UNC13C: variants seen among roughly 807,000 people sequenced by gnomAD.
The protein encoded by UNC13C is protein unc-13 homolog C.
A neutral mutation model predicts 245.4 loss-of-function variants in UNC13C; 174 were observed. That is an observed-to-expected ratio of 0.71 (90% CI 0.63 to 0.80). The LOEUF (loss-of-function observed/expected upper bound fraction) is 0.80. Among genes scored for constraint, UNC13C ranks in the 30% least tolerant of loss-of-function variants. The pLI is 0.00. For missense variants in UNC13C, 2,829 were observed against 2,602.9 expected, an observed-to-expected ratio of 1.09 and a Z score of -1.89; for synonymous variants, 992 against 895.1, an observed-to-expected ratio of 1.11 and a Z score of -1.93.
At chr15:54,048,590 G>T in intron 2 of UNC13C, 1 of 378,162 alleles carries the variant, frequency 2.6e-6, no homozygotes, top group South Asian at 2.9e-5. Context: ...TATCAATTTC[G>T]CCAATTGCTG....
the UNC13C span, chr15:53,914,787 C>T: frequency 0.99 from 150,190 of 152,248 alleles, 74,111 homozygotes; most frequent in Middle Eastern, 1. Context: ...TTGGCATAGT[C>T]GTGAACCTGA....
chr15:54,223,231 A>C (rs987396831), intron 4 of UNC13C, among the ~76,000 whole-genome samples: 10 of 152,130 alleles, frequency 6.6e-5, no homozygotes, highest in Non-Finnish European at 1.0e-4. Flanking sequence ...TTCTGGTCTT[A>C]GATTTAAGTC....
intron 18 of UNC13C, among the ~76,000 whole-genome samples, chr15:54,406,502 A>G (rs1432815663): frequency 2.6e-5 from 4 of 152,210 alleles, no homozygotes; most frequent in African/African-American, 4.8e-5. Flanking sequence ...CCAAGGTGCC[A>G]TATTTTGGGG....
chr15:54,536,477 T>C (rs945890694), intron 26 of UNC13C, among the ~76,000 whole-genome samples: 3 of 152,024 alleles, frequency 2.0e-5, no homozygotes, highest in Non-Finnish European at 4.4e-5. Context: ...CCACAACTCA[T>C]TCAATGAGGC....
intron 19 of UNC13C, among the ~76,000 whole-genome samples, chr15:54,490,195 G>C (rs1483542024): frequency 6.6e-6 from 1 of 152,166 alleles, no homozygotes; most frequent in East Asian, 1.9e-4. Flanking sequence ...CTGATACTTA[G>C]AGTTATCATA....
intron 30 of UNC13C, among the ~76,000 whole-genome samples, chr15:54,569,608 G>C (rs1420454967): frequency 6.6e-6 from 1 of 151,858 alleles, no homozygotes; most frequent in Non-Finnish European, 1.5e-5. Flanking sequence ...GTGTGTGTGT[G>C]TGTGTATAAT....
chr15:54,604,285 T>C (rs1285190264), intron 30 of UNC13C, among the ~76,000 whole-genome samples: 3 of 152,206 alleles, frequency 2.0e-5, no homozygotes, highest in Non-Finnish European at 4.4e-5. Flanking sequence ...ACCACATAGA[T>C]GAACTAAAAT....
the UNC13C span, among the ~76,000 whole-genome samples, chr15:53,939,937 G>C: frequency 6.6e-6 from 1 of 152,134 alleles, no homozygotes; most frequent in East Asian, 1.9e-4. Context: ...TGGGGAGAGA[G>C]ATCCTGGGGT....
intron 30 of UNC13C, among the ~76,000 whole-genome samples, chr15:54,586,402 C>A (rs1290504283): frequency 7.2e-5 from 11 of 152,216 alleles, no homozygotes; most frequent in Admixed American, 6.5e-4. Flanking sequence ...ATTGCTCTTC[C>A]TATCTTGCAG....
chr15:54,323,291 A>T (rs1326088026), intron 14 of UNC13C, among the ~76,000 whole-genome samples: 1 of 152,000 alleles, frequency 6.6e-6, no homozygotes, highest in African/African-American at 2.4e-5. Context: ...AGGTGTATGA[A>T]GTGAATTAGA....
At chr15:54,188,775 T>C (rs2141320422) in intron 4 of UNC13C, among the ~76,000 whole-genome samples, 1 of 152,292 alleles carries the variant, frequency 6.6e-6, no homozygotes, top group South Asian at 2.1e-4. Context: ...TCCCTATTTA[T>C]TAGATACCCT....
chr15:53,995,200 T>C (rs1894565183), intron 1 of UNC13C, among the ~76,000 whole-genome samples: 1 of 152,056 alleles, frequency 6.6e-6, no homozygotes, highest in Middle Eastern at 3.4e-3. Context: ...GAATAGAAGA[T>C]AGATGCAGAC....
At chr15:54,489,520 T>C (rs1449182213) in intron 19 of UNC13C, among the ~76,000 whole-genome samples, 1 of 152,198 alleles carries the variant, frequency 6.6e-6, no homozygotes. Flanking sequence ...TGTATATGTA[T>C]GCAAGAAGAA....
At chr15:54,486,995 A>G (rs1893448384) in intron 19 of UNC13C, among the ~76,000 whole-genome samples, 2 of 152,226 alleles carry the variant, frequency 1.3e-5, no homozygotes, top group Admixed American at 1.3e-4. Flanking sequence ...GAGTATATCT[A>G]AGAGGAATGT....
rs768743988 is a variant in UNC13C at position 54,014,540 on chromosome 15, T to A, written c.1637T>A (p.Leu546His). ...CAGAGTGATTTTTTCACTGCTAAACTTAGTCGTTCTGAATCAGATTTTTCC... is the reference window on the plus strand; with the variant it reads ...CAGAGTGATTTTTTCACTGCTAAACATAGTCGTTCTGAATCAGATTTTTCC... Reference protein sequence around the residue: ...HSQSDFFTAKLSRSESDFSKL... With the variant: ...HSQSDFFTAKHSRSESDFSKL... Residue 546 changes from leucine to histidine, a missense_variant, in exon 2 of 33, where the codon CTT becomes CAT. By Grantham distance (99) the Leu-to-His change is moderately conservative. Coordinates refer to ENST00000260323, the MANE Select transcript of UNC13C (RefSeq NM_001080534.3). The A allele has an allele frequency of 1.2e-6, 2 of 1,613,848 alleles. No individual in the cohort carries two copies. Among genetic ancestry groups the A allele is most frequent in the African/African-American group, 2.7e-5 (2 of 75,042 alleles).
intron 4 of UNC13C, among the ~76,000 whole-genome samples, chr15:54,168,300 G>T (rs2033260318): frequency 6.6e-6 from 1 of 152,102 alleles, no homozygotes; most frequent in South Asian, 2.1e-4. Flanking sequence ...TTTGAGATTT[G>T]TTTGGACTTC....
intron 29 of UNC13C, among the ~76,000 whole-genome samples, chr15:54,556,614 T>A (rs968966821): frequency 1.3e-5 from 2 of 151,784 alleles, no homozygotes; most frequent in African/African-American, 4.8e-5. Context: ...TAGGAAAAAA[T>A]GAACAACATG....
At chr15:54,041,340 T>C (rs1287679322) in intron 2 of UNC13C, among the ~76,000 whole-genome samples, 1 of 152,232 alleles carries the variant, frequency 6.6e-6, no homozygotes, top group Non-Finnish European at 1.5e-5. Flanking sequence ...TTTTCTATTT[T>C]CTTTTTGTGA....
At chr15:54,449,437 C>T (rs982393796) in intron 19 of UNC13C, among the ~76,000 whole-genome samples, 7 of 152,172 alleles carry the variant, frequency 4.6e-5, no homozygotes, top group East Asian at 1.9e-4. Context: ...TTGGTCTTTT[C>T]GCACAGTCCC....
Sources: gnomAD v4.1 joint callset for allele counts (sites outside exome capture counted in the v4.1 genomes callset) on GRCh38, gnomAD v4.1.1 for gene constraint, MANE v1.5 for transcripts, NCBI Gene and HGNC (gene_info 2026-07-23, HGNC 2026-07-21) for gene names.